Variants in STEAP3 observed in about 807,000 individuals in gnomAD.
The protein encoded by STEAP3 is metalloreductase STEAP3.
In STEAP3, 35 loss-of-function variants were observed where a neutral mutation model predicts 34.9. The ratio of observed to expected loss-of-function variants is 1.00; its 90% confidence interval spans 0.76 to 1.33. The LOEUF is 1.33. STEAP3 is among the 40% of genes most tolerant of loss of function. The pLI, the probability that STEAP3 is intolerant of heterozygous loss-of-function variation, is 0.00. For missense variants in STEAP3, 652 were observed against 667.6 expected (o/e 0.98, Z 0.26); for synonymous variants, 281 against 301.6 (o/e 0.93, Z 0.71).
chr2:119,249,350 A>G (rs1677553436), intron 4 of STEAP3, among the ~76,000 whole-genome samples: 1 of 152,090 alleles, frequency 6.6e-6, no homozygotes, highest in Non-Finnish European at 1.5e-5. Flanking sequence ...CCACAAGCTC[A>G]TGGGGCTTGA....
At chr2:119,232,726 A>G (rs538900483) in intron 2 of STEAP3, among the ~76,000 whole-genome samples, 1 of 152,278 alleles carries the variant, frequency 6.6e-6, no homozygotes, top group East Asian at 1.9e-4. Context: ...GTTCATATCC[A>G]AGGGTGTTAG....
chr2:119,263,415 G>T lies in STEAP3; in HGVS notation c.*77G>T. The stretch of plus-strand genomic sequence containing the variant: ...GCCCGTTAGGTTTTCTTTTCTTGGT[G>T]GTGCAAAGTGGTATAACTGTGTGCA... On this transcript the variant is annotated 3_prime_UTR_variant, in exon 6 of 6. Coordinates refer to ENST00000393110, the MANE Select transcript of STEAP3 (RefSeq NM_182915.3). 1 of 1,543,246 alleles carries T rather than the reference G, an allele frequency of 6.5e-7. No individual in the cohort carries two copies.
intron 3 of STEAP3, 108 bp from the exon 4 acceptor site, chr2:119,247,571 G>T: frequency 7.7e-7 from 1 of 1,296,930 alleles, no homozygotes; most frequent in South Asian, 1.6e-5. Context: ...CAGCTCACTT[G>T]AACAAGTCCC....
chr2:119,230,836 C>T lies in STEAP3; in HGVS notation c.-177C>T. 2.6e-6 allele frequency: 2 copies of T among 755,802 alleles called. No homozygotes were observed. The highest frequency in any genetic ancestry group is 2.2e-6 in the Non-Finnish European group (1 of 447,272). The allele number at this position is 755,802 out of a possible 1,614,324, so 46.8% of individuals were successfully genotyped here. On this transcript the variant is annotated 5_prime_UTR_variant, in exon 2 of 6. Transcript: ENST00000393110. The stretch of plus-strand genomic sequence containing the variant: ...GCCCCTGTGGCCAAGAGCTGGCGTG[C>T]AGGCTGCGGGAGGCAGCTGGCTGTG...
rs142474087 is a variant in STEAP3, at chr2:119,263,628, G to A, written c.*290G>A. On this transcript the variant is annotated 3_prime_UTR_variant, in exon 6 of 6. Coordinates refer to ENST00000393110, the MANE Select transcript of STEAP3 (RefSeq NM_182915.3). The stretch of plus-strand genomic sequence containing the variant: ...ACTTGTAGATTTAAAAACAAGTGCC[G>A]TACGTTAAGAGAAGAGCAGATCATG... 20 of 499,390 alleles carry A rather than the reference G, an allele frequency of 4.0e-5. No homozygotes were observed. Among genetic ancestry groups the A allele is most frequent in the African/African-American group, 1.2e-4 (6 of 51,666 alleles). 30.9% of individuals were successfully genotyped at this position (499,390 alleles called of 1,614,324 possible).
rs1261746011 is a variant in STEAP3 at position 119,264,439 on chromosome 2, T to A, written c.*1101T>A. ...CTCCAACTTCCTCCTCATGGGGCAT[T>A]ACACTTCAAAACAGTGGGGAGCAAC... is the stretch of plus-strand genomic sequence containing the variant. On this transcript the variant is annotated 3_prime_UTR_variant, in exon 6 of 6. Transcript: ENST00000393110. 1 of 152,180 alleles carries A rather than the reference T, an allele frequency of 6.6e-6. No homozygotes were observed. Among genetic ancestry groups the A allele is most frequent in the Non-Finnish European group, 1.5e-5 (1 of 68,054 alleles). 9.4% of individuals were successfully genotyped at this position (152,180 alleles called of 1,614,324 possible).
chr2:119,262,614 G>A (rs917645893), intron 5 of STEAP3, among the ~76,000 whole-genome samples: 3 of 152,204 alleles, frequency 2.0e-5, no homozygotes, highest in South Asian at 4.1e-4. Flanking sequence ...CTGGGCTCAA[G>A]CAGTCCACCC....
intron 2 of STEAP3, among the ~76,000 whole-genome samples, chr2:119,238,494 T>C (rs1248479044): frequency 6.6e-6 from 1 of 152,234 alleles, no homozygotes; most frequent in Non-Finnish European, 1.5e-5. Context: ...GTCTTTTTAA[T>C]ACCGAGGTGT....
At chr2:119,254,574 G>T (rs575051970) in intron 4 of STEAP3, 110 bp from the exon 5 acceptor site, 43 of 1,215,376 alleles carry the variant, frequency 3.5e-5, no homozygotes, top group Non-Finnish European at 5.0e-5. Context: ...GGTAGCGTCA[G>T]GTGCAGTGTG....
At chr2:119,232,516 G>A (rs1676972712) in intron 2 of STEAP3, among the ~76,000 whole-genome samples, 1 of 152,162 alleles carries the variant, frequency 6.6e-6, no homozygotes. Context: ...CCTCTCTGTT[G>A]GGGAAGACGG....
chr2:119,234,496 G>T (rs992633921), intron 2 of STEAP3, among the ~76,000 whole-genome samples: 1 of 152,172 alleles, frequency 6.6e-6, no homozygotes, highest in Admixed American at 6.5e-5. Context: ...GCTCCATAGC[G>T]CCCGGTCATC....
chr2:119,238,601 C>T (rs1479889271), intron 2 of STEAP3, among the ~76,000 whole-genome samples: 1 of 152,180 alleles, frequency 6.6e-6, no homozygotes, highest in Non-Finnish European at 1.5e-5. Flanking sequence ...TTTCTCGATG[C>T]TGTGCTCTTT....
chr2:119,251,799 G>A (rs536899543), intron 4 of STEAP3, among the ~76,000 whole-genome samples: 1 of 152,066 alleles, frequency 6.6e-6, no homozygotes, highest in Non-Finnish European at 1.5e-5. Context: ...GGCTTGGAAC[G>A]CCCACCCCAG....
At chr2:119,230,437 G>A (rs577769832) in intron 1 of STEAP3, among the ~76,000 whole-genome samples, 183 bp from the exon 2 acceptor site, 2 of 152,224 alleles carry the variant, frequency 1.3e-5, no homozygotes, top group African/African-American at 2.4e-5. Context: ...AAGCCTTTGT[G>A]GGCACCAAAT....
At chr2:119,234,223 C>T (rs1019635964) in intron 2 of STEAP3, among the ~76,000 whole-genome samples, 7 of 152,340 alleles carry the variant, frequency 4.6e-5, no homozygotes, top group Non-Finnish European at 1.5e-5. Flanking sequence ...AGGCCCATCC[C>T]TGATTCAGCA....
intron 2 of STEAP3, among the ~76,000 whole-genome samples, chr2:119,237,773 C>A (rs1435612637): frequency 6.6e-6 from 1 of 152,228 alleles, no homozygotes; most frequent in Non-Finnish European, 1.5e-5. Flanking sequence ...CCTCACATCA[C>A]CACGCAATTC....
chr2:119,243,395 G>A (rs543075141), intron 2 of STEAP3, among the ~76,000 whole-genome samples: 2 of 152,320 alleles, frequency 1.3e-5, no homozygotes, highest in Middle Eastern at 3.4e-3. Flanking sequence ...AAGACGGAGT[G>A]AGGCTCTGAC....
Position 119,263,474 on chromosome 2 carries a change from C to T in STEAP3, c.*136C>T. On this transcript the variant is annotated 3_prime_UTR_variant, in exon 6 of 6. Coordinates refer to ENST00000393110, the MANE Select transcript of STEAP3 (RefSeq NM_182915.3). ...GTTTGAGGTCCAAATTCCTGGGACT[C>T]AAATGTATGCAGTACTATTCAGAAT... is the stretch of plus-strand genomic sequence containing the variant. 9.4e-7 allele frequency: 1 copy of T among 1,068,498 alleles called. No individual in the cohort carries two copies. The highest frequency in any genetic ancestry group is 1.4e-6 in the Non-Finnish European group (1 of 720,032). 66.2% of individuals were successfully genotyped at this position (1,068,498 alleles called of 1,614,324 possible).
intron 2 of STEAP3, among the ~76,000 whole-genome samples, chr2:119,237,378 G>A (rs1677121941): frequency 6.6e-6 from 1 of 152,144 alleles, no homozygotes; most frequent in South Asian, 2.1e-4. Flanking sequence ...GAGAGGGTAG[G>A]GAGGTGGCAG....
Sources: gnomAD v4.1 joint callset for allele counts (sites outside exome capture counted in the v4.1 genomes callset) on GRCh38, gnomAD v4.1.1 for gene constraint, MANE v1.5 for transcripts, NCBI Gene and HGNC (gene_info 2026-07-23, HGNC 2026-07-21) for gene names.